SV2C: variants seen among roughly 807,000 people sequenced by gnomAD.
SV2C encodes the protein synaptic vesicle glycoprotein 2C.
In SV2C, 49 loss-of-function variants were observed where a neutral mutation model predicts 79.7. The observed-to-expected ratio is 0.61, with a 90% CI of 0.49 to 0.78. The LOEUF (loss-of-function observed/expected upper bound fraction) is 0.78. Ranked by LOEUF, SV2C falls within the 30% of genes least tolerant of loss-of-function variation. The pLI is 0.00. For synonymous variants in SV2C, 334 were observed against 333.2 expected, an observed-to-expected ratio of 1.00 and a Z score of -0.03; for missense variants, 833 against 912.9, an observed-to-expected ratio of 0.91 and a Z score of 1.13.
the SV2C span, among the ~76,000 whole-genome samples, chr5:75,981,823 C>T: frequency 1.5e-4 from 23 of 152,026 alleles, no homozygotes; most frequent in African/African-American, 4.3e-4. Context: ...GATTTCATGA[C>T]GAAGATTCCA....
chr5:75,974,636 C>A, the SV2C span, among the ~76,000 whole-genome samples: 37,959 of 152,034 alleles, frequency 0.25, 6,015 homozygotes, highest in Non-Finnish European at 0.36. Context: ...GGTCTCACGC[C>A]TCCTATAACA....
the SV2C span, among the ~76,000 whole-genome samples, chr5:76,025,031 G>A: frequency 1.3e-5 from 2 of 152,130 alleles, no homozygotes; most frequent in Admixed American, 6.6e-5. Flanking sequence ...CTGCCTTCGG[G>A]AAGCTGCTCT....
At chr5:76,168,052 T>C (rs537646474) in intron 2 of SV2C, among the ~76,000 whole-genome samples, 189 of 152,230 alleles carry the variant, frequency 1.2e-3, no homozygotes, top group Non-Finnish European at 2.1e-3. Flanking sequence ...CTTGGTAGAA[T>C]GGTCCTTGAG....
intron 12 of SV2C, among the ~76,000 whole-genome samples, chr5:76,305,896 A>G (rs1028113644): frequency 6.6e-6 from 1 of 152,212 alleles, no homozygotes; most frequent in Non-Finnish European, 1.5e-5. Context: ...GGACACAAAA[A>G]GAGGTGGGAG....
chr5:76,073,728 T>C, the SV2C span, among the ~76,000 whole-genome samples: 1 of 151,368 alleles, frequency 6.6e-6, no homozygotes, highest in Non-Finnish European at 1.5e-5. Context: ...AATGATACAA[T>C]GGACTTTAAG....
chr5:75,975,698 T>A, the SV2C span, among the ~76,000 whole-genome samples: 42 of 152,170 alleles, frequency 2.8e-4, no homozygotes, highest in Admixed American at 2.8e-3. Context: ...ATGCTTTATA[T>A]GCAGAGCCTT....
At chr5:75,881,264 G>A in the SV2C span, among the ~76,000 whole-genome samples, 1 of 152,114 alleles carries the variant, frequency 6.6e-6, no homozygotes, top group East Asian at 1.9e-4. Flanking sequence ...TTAATCTGAG[G>A]AAATTAATAA....
chr5:75,949,857 G>T, the SV2C span, among the ~76,000 whole-genome samples: 1 of 152,140 alleles, frequency 6.6e-6, no homozygotes, highest in South Asian at 2.1e-4. Context: ...AGTGATTGTG[G>T]TGGAGGTGTT....
the SV2C span, among the ~76,000 whole-genome samples, chr5:75,967,196 G>A: frequency 2.0e-5 from 3 of 152,176 alleles, no homozygotes; most frequent in East Asian, 5.8e-4. Context: ...AATTAGCCAA[G>A]TATGGGTGGA....
At chr5:76,047,379 C>A in the SV2C span, among the ~76,000 whole-genome samples, 1 of 152,106 alleles carries the variant, frequency 6.6e-6, no homozygotes, top group Non-Finnish European at 1.5e-5. Flanking sequence ...TTGTGTGTGG[C>A]TTATTTTATC....
chr5:75,934,298 C>CTTT, the SV2C span, among the ~76,000 whole-genome samples: 28 of 87,564 alleles, frequency 3.2e-4, no homozygotes, highest in African/African-American at 1.7e-3. Context: ...TTTTTTCTTT[C>CTTT]TTTCTTTTTT....
chr5:76,299,580 T>C lies in SV2C; in HGVS notation c.1636+653T>C, dbSNP rs148263176. 7.4e-4 allele frequency among the ~76,000 whole-genome samples: 112 copies of C among 152,358 alleles called. 1 individual carries two copies. The Middle Eastern group carries it at 0.01, about 14-fold the overall frequency. On this transcript the variant is annotated intron_variant, in intron 10 of 12. Coordinates refer to ENST00000502798, the MANE Select transcript of SV2C (RefSeq NM_014979.4). Reference sequence around the variant, plus strand: ...CCTTCCACTTTCCCACTCCCAAACATTGGTCTGTGTGTCCTATAAAATGAA... The same window carrying C: ...CCTTCCACTTTCCCACTCCCAAACACTGGTCTGTGTGTCCTATAAAATGAA...
chr5:76,018,776 G>A, the SV2C span, among the ~76,000 whole-genome samples: 2 of 152,186 alleles, frequency 1.3e-5, no homozygotes, highest in African/African-American at 2.4e-5. Flanking sequence ...CCACGTATTT[G>A]TTCAAGGAAA....
chr5:76,093,032 G>A (rs1355686771), intron 1 of SV2C, among the ~76,000 whole-genome samples: 2 of 152,054 alleles, frequency 1.3e-5, no homozygotes, highest in African/African-American at 2.4e-5. Flanking sequence ...CATAGGGGCT[G>A]GAAGCATTTT....
chr5:76,222,626 T>C (rs539454819), intron 4 of SV2C, among the ~76,000 whole-genome samples: 3 of 152,240 alleles, frequency 2.0e-5, no homozygotes, highest in Non-Finnish European at 4.4e-5. Context: ...GCTTTCGATG[T>C]TGTCTATAGT....
intron 6 of SV2C, 61 bp from the exon 7 acceptor site, chr5:76,291,160 A>G: frequency 7.7e-7 from 1 of 1,303,458 alleles, no homozygotes; most frequent in African/African-American, 1.5e-5. Context: ...ACAAATTATA[A>G]CCCTACACTC....
At chr5:76,052,837 C>A in the SV2C span, among the ~76,000 whole-genome samples, 4 of 151,878 alleles carry the variant, frequency 2.6e-5, no homozygotes, top group Non-Finnish European at 5.9e-5. Context: ...ATTCTGACTA[C>A]TATAATAATG....
chr5:76,143,434 A>G (rs1749324105), intron 2 of SV2C, among the ~76,000 whole-genome samples: 1 of 152,196 alleles, frequency 6.6e-6, no homozygotes, highest in South Asian at 2.1e-4. Flanking sequence ...CCCTAGTAAC[A>G]GGGACAGGTC....
chr5:76,190,346 A>T (rs754752281), intron 2 of SV2C, among the ~76,000 whole-genome samples: 1 of 152,140 alleles, frequency 6.6e-6, no homozygotes. Flanking sequence ...GTGGATAGAA[A>T]ATTACCAAGA....
Sources: gnomAD v4.1 joint callset for allele counts (sites outside exome capture counted in the v4.1 genomes callset) on GRCh38, gnomAD v4.1.1 for gene constraint, MANE v1.5 for transcripts, NCBI Gene and HGNC (gene_info 2026-07-23, HGNC 2026-07-21) for gene names.